Variants in POM121C observed in about 807,000 individuals in gnomAD.
POM121C encodes the protein POM121 transmembrane nucleoporin C, also known as nuclear envelope pore membrane protein POM 121C.
POM121C carries 20 observed loss-of-function variants against 66.4 expected under a neutral mutation model. The ratio of observed to expected loss-of-function variants is 0.30; its 90% confidence interval spans 0.21 to 0.44. The LOEUF is 0.44. POM121C is among the 20% of genes least tolerant of loss of function. POM121C has a pLI of 1.00. For missense variants in POM121C, 580 were observed against 1,225.7 expected, an observed-to-expected ratio of 0.47 and a Z score of 7.87; for synonymous variants, 286 against 528.0, an observed-to-expected ratio of 0.54 and a Z score of 6.28.
At chr7:75,441,758 T>C in intron 3 of POM121C, 111 bp from the exon 4 acceptor site, 1 of 1,058,618 alleles carries the variant, frequency 9.4e-7, no homozygotes, top group East Asian at 2.6e-5. Context: ...TAAATCTCTT[T>C]CTACGCAACA....
At chr7:75,479,603 G>A (rs1462538975) in intron 1 of POM121C, among the ~76,000 whole-genome samples, 1 of 134,980 alleles carries the variant, frequency 7.4e-6, no homozygotes, top group Non-Finnish European at 1.5e-5. Flanking sequence ...GGGACAGAGT[G>A]AGACTCTGTC....
At chr7:75,440,513 A>T (rs1790597955) in intron 5 of POM121C, 1 of 174,566 alleles carries the variant, frequency 5.7e-6, no homozygotes, top group Non-Finnish European at 1.2e-5. Flanking sequence ...GCTTGCAGTG[A>T]GCTGAGATCG....
At chr7:75,428,011 T>C (rs1370311011) in intron 7 of POM121C, among the ~76,000 whole-genome samples, 3 of 152,072 alleles carry the variant, frequency 2.0e-5, no homozygotes, top group Non-Finnish European at 4.4e-5. Flanking sequence ...ATTACAGGCA[T>C]ATAAAAGAGC....
intron 7 of POM121C, among the ~76,000 whole-genome samples, chr7:75,433,362 TTATC>T (rs1790263551): frequency 6.6e-6 from 1 of 152,026 alleles, no homozygotes. Flanking sequence ...ATTTATTTAT[TTATC>T]TATTTTTGAG....
chr7:75,453,839 C>T (rs1655577557), intron 3 of POM121C, among the ~76,000 whole-genome samples: 1 of 151,960 alleles, frequency 6.6e-6, no homozygotes, highest in Non-Finnish European at 1.5e-5. Flanking sequence ...TCTTCATTCA[C>T]AAAACCAGGA....
chr7:75,438,229 C>T (rs1554473278), intron 6 of POM121C, among the ~76,000 whole-genome samples: 2 of 152,220 alleles, frequency 1.3e-5, no homozygotes, highest in African/African-American at 4.8e-5. Context: ...ACAATATAGA[C>T]AACGCTCTCC....
chr7:75,421,183 C>G, intron 13 of POM121C: 1 of 576,200 alleles, frequency 1.7e-6, no homozygotes, highest in South Asian at 2.2e-5. Context: ...GCCAAGTTGC[C>G]CAGGCTGGTC....
chr7:75,453,176 C>T (rs1211041778), intron 3 of POM121C, among the ~76,000 whole-genome samples: 1 of 151,576 alleles, frequency 6.6e-6, no homozygotes, highest in Admixed American at 6.6e-5. Context: ...CACACCTGTG[C>T]TCCCAGCACT....
chr7:75,441,520 C>A lies in POM121C; in HGVS notation c.-24G>T, dbSNP rs782131681. ...ATCCTGGAGTTGCGAGGGGACAGCACAGCCTTCTTGTGATAACCATTCCAG... is the reference window on the plus strand; with the variant it reads ...ATCCTGGAGTTGCGAGGGGACAGCAAAGCCTTCTTGTGATAACCATTCCAG... On this transcript the variant is annotated 5_prime_UTR_variant, in exon 4 of 15. Transcript: ENST00000615331. 4 of 1,613,766 alleles carry A rather than the reference C, an allele frequency of 2.5e-6. No homozygotes were observed. The highest frequency in any genetic ancestry group is 3.4e-6 in the Non-Finnish European group (4 of 1,179,828).
In POM121C at chr7:75,475,153, G is replaced by A. The variant is rs1202668049; in HGVS notation, c.-422C>T. On this transcript the variant is annotated 5_prime_UTR_variant, in exon 2 of 15. Transcript: ENST00000615331. ...CCAGTTGCCGCCACTCCTCCTGGGT[G>A]AAATCCACAGCCACATCTTTGAATG... 6.5e-7 allele frequency: 1 copy of A among 1,548,880 alleles called. No individual in the cohort carries two copies. Among genetic ancestry groups the A allele is most frequent in the African/African-American group, 1.4e-5 (1 of 73,466 alleles).
rs782622480 is a variant in POM121C at position 75,467,443 on chromosome 7, A to G, written c.-152+7261T>C. Among the ~76,000 whole-genome samples, 5 of 146,896 alleles carry G rather than the reference A, an allele frequency of 3.4e-5. 1 individual carries two copies. Among genetic ancestry groups the G allele is most frequent in the African/African-American group, 1.2e-4 (5 of 40,660 alleles). On this transcript the variant is annotated intron_variant, in intron 3 of 14. Coordinates refer to ENST00000615331, the MANE Select transcript of POM121C (RefSeq NM_001099415.3). ...GCTACTTGGGAGGCTGAGGCAGGAGAATGGTGTGAACCCTGGAGGCGGAGC... is the reference window on the plus strand; with the variant it reads ...GCTACTTGGGAGGCTGAGGCAGGAGGATGGTGTGAACCCTGGAGGCGGAGC...
rs376104838 is a variant in POM121C at position 75,424,602 on chromosome 7, C to A, written c.795G>T (p.Ser265=). The change falls in exon 11 of 15, where the codon TCG becomes TCT. Residue 265 remains serine, a synonymous_variant. Coordinates refer to ENST00000615331, the MANE Select transcript of POM121C (RefSeq NM_001099415.3). The stretch of plus-strand genomic sequence containing the variant: ...CTAAGTCTAGGTCCTCGGCAGTGAT[C>A]GAATAGCCAAGCTGGGGAGGTGGAG... ...TLPPPPQLGY[S]ITAEDLDLEK... is the part of the protein sequence containing the mutation. 5.6e-6 allele frequency: 9 copies of A among 1,613,856 alleles called. No individual in the cohort carries two copies. In the South Asian group the frequency reaches 8.8e-5, roughly 16 times the overall value.
intron 3 of POM121C, among the ~76,000 whole-genome samples, chr7:75,449,662 CG>C (rs1739683566): frequency 6.6e-6 from 1 of 152,044 alleles, no homozygotes; most frequent in Non-Finnish European, 1.5e-5. Context: ...CTACCATGCC[CG>C]GCAACAGTAG....
intron 3 of POM121C, among the ~76,000 whole-genome samples, chr7:75,455,108 G>A (rs1360430151): frequency 3.9e-5 from 6 of 152,264 alleles, no homozygotes; most frequent in Admixed American, 1.3e-4. Flanking sequence ...GTAGGGACCC[G>A]ATGACGAAGA....
intron 1 of POM121C, chr7:75,484,422 A>G: frequency 2.3e-6 from 1 of 443,016 alleles, no homozygotes; most frequent in Non-Finnish European, 4.0e-6. Flanking sequence ...GGGTTTCACC[A>G]TGTTGGCCAG....
In POM121C at chr7:75,417,162, C is replaced by G; in HGVS notation, c.*1634G>C. The stretch of plus-strand genomic sequence containing the variant: ...GCTGCACACGCAGCCAGGTATAACA[C>G]TCGCCCTCAGTCACAACGGGGAGGG... On this transcript the variant is annotated 3_prime_UTR_variant, in exon 15 of 15. Coordinates refer to ENST00000615331, the MANE Select transcript of POM121C (RefSeq NM_001099415.3). The G allele has an allele frequency of 1.0e-6, 1 of 991,004 alleles. No homozygotes were observed. Among genetic ancestry groups the G allele is most frequent in the Non-Finnish European group, 1.2e-6 (1 of 829,502 alleles). The allele number at this position is 991,004 out of a possible 1,614,324, so 61.4% of individuals were successfully genotyped here.
intron 3 of POM121C, chr7:75,442,810 G>T (rs1286741005): frequency 1.5e-5 from 18 of 1,235,496 alleles, no homozygotes; most frequent in Non-Finnish European, 1.8e-5. Context: ...TCATGCGCGC[G>T]CGACTCGGGG....
intron 6 of POM121C, among the ~76,000 whole-genome samples, chr7:75,437,895 C>T (rs1554473240): frequency 6.6e-6 from 1 of 152,132 alleles, no homozygotes; most frequent in Non-Finnish European, 1.5e-5. Context: ...ATAGAATATT[C>T]TGGAAAATGC....
intron 7 of POM121C, among the ~76,000 whole-genome samples, chr7:75,432,574 G>C (rs1554472505): frequency 6.6e-6 from 1 of 152,118 alleles, no homozygotes; most frequent in African/African-American, 2.4e-5. Context: ...GGAGGTTTCT[G>C]GTGATGAAAA....
Sources: allele counts gnomAD v4.1 joint callset (sites outside exome capture counted in the v4.1 genomes callset), GRCh38; gene constraint gnomAD v4.1.1; transcripts MANE v1.5; gene names NCBI Gene and HGNC (gene_info 2026-07-23, HGNC 2026-07-21).